The following SPSB4 variants were observed in gnomAD, a reference collection of about 807,000 sequenced individuals.
SPSB4 encodes the protein splA/ryanodine receptor domain and SOCS box containing 4, also known as SPRY domain-containing SOCS box protein 4.
SPSB4 carries 21 observed loss-of-function variants against 20.9 expected under a neutral mutation model. That is an observed-to-expected ratio of 1.01 (90% CI 0.71 to 1.45). SPSB4 has a LOEUF of 1.45. Ranked by LOEUF, SPSB4 falls within the 40% of genes most tolerant of loss-of-function variation. SPSB4 has a pLI of 0.00. For synonymous variants in SPSB4, 207 were observed against 183.8 expected (o/e 1.13, Z -1.02); for missense variants, 399 against 399.2 (o/e 1.00, Z 0.00).
At chr3:141,111,761 A>T (rs1938801169) in intron 2 of SPSB4, among the ~76,000 whole-genome samples, 1 of 152,168 alleles carries the variant, frequency 6.6e-6, no homozygotes, top group South Asian at 2.1e-4. Flanking sequence ...GGAAAAAGAC[A>T]AAGTGCTTTG....
At chr3:141,080,058 T>C (rs1938199172) in intron 2 of SPSB4, among the ~76,000 whole-genome samples, 1 of 152,238 alleles carries the variant, frequency 6.6e-6, no homozygotes, top group Non-Finnish European at 1.5e-5. Context: ...AAAGTAATTC[T>C]TACTACCAGT....
chr3:141,064,658 G>T (rs1937828758), intron 1 of SPSB4, among the ~76,000 whole-genome samples: 1 of 152,174 alleles, frequency 6.6e-6, no homozygotes, highest in Non-Finnish European at 1.5e-5. Flanking sequence ...GGAGGGCAGG[G>T]CATGAAAAAC....
At chr3:141,080,176 A>C (rs977905711) in intron 2 of SPSB4, 1 of 152,232 alleles carries the variant, frequency 6.6e-6, no homozygotes, top group Non-Finnish European at 1.5e-5. Flanking sequence ...TGCATTTTAC[A>C]GACAAGTTAA....
intron 2 of SPSB4, among the ~76,000 whole-genome samples, chr3:141,131,675 G>A (rs1337985647): frequency 2.0e-5 from 3 of 152,100 alleles, no homozygotes; most frequent in Admixed American, 6.6e-5. Flanking sequence ...CTTCATTCTC[G>A]TGGCTGATTA....
intron 2 of SPSB4, among the ~76,000 whole-genome samples, chr3:141,074,125 C>T (rs1236222525): frequency 6.6e-6 from 1 of 152,166 alleles, no homozygotes; most frequent in East Asian, 1.9e-4. Context: ...ACAGCATGGT[C>T]TTGTGGGAAG....
At chr3:141,099,919 A>G (rs72981998) in intron 2 of SPSB4, among the ~76,000 whole-genome samples, 231 of 152,316 alleles carry the variant, frequency 1.5e-3, no homozygotes, top group African/African-American at 5.5e-3. Context: ...CATCAGACAC[A>G]TGCCCTAGTA....
chr3:141,114,958 G>A (rs1019685172), intron 2 of SPSB4, among the ~76,000 whole-genome samples: 1 of 152,144 alleles, frequency 6.6e-6, no homozygotes, highest in Non-Finnish European at 1.5e-5. Context: ...TGTGAGCCCA[G>A]CAGCCCTGCC....
intron 2 of SPSB4, among the ~76,000 whole-genome samples, chr3:141,078,178 CTCAG>C (rs1293448139): frequency 1.3e-5 from 2 of 152,206 alleles, no homozygotes; most frequent in Non-Finnish European, 2.9e-5. Flanking sequence ...CTGCTTATTC[CTCAG>C]CTGTGGAAGA....
At chr3:141,079,186 G>A (rs193198314) in intron 2 of SPSB4, among the ~76,000 whole-genome samples, 6 of 151,950 alleles carry the variant, frequency 3.9e-5, no homozygotes, top group Non-Finnish European at 7.4e-5. Flanking sequence ...GCGTGAACCC[G>A]GCAGGTGGAG....
chr3:141,069,952 A>G (rs1189297961), intron 2 of SPSB4, among the ~76,000 whole-genome samples: 1 of 152,178 alleles, frequency 6.6e-6, no homozygotes, highest in Non-Finnish European at 1.5e-5. Flanking sequence ...ACTACGTTTA[A>G]CTCTGGAAGC....
At chr3:141,107,858 G>T (rs551160441) in intron 2 of SPSB4, among the ~76,000 whole-genome samples, 10 of 152,178 alleles carry the variant, frequency 6.6e-5, no homozygotes, top group African/African-American at 1.9e-4. Context: ...GGGAGGCTGA[G>T]GCACGAACAT....
chr3:141,142,648 C>A (rs1316726466), intron 2 of SPSB4, among the ~76,000 whole-genome samples: 3 of 151,742 alleles, frequency 2.0e-5, no homozygotes, highest in Non-Finnish European at 4.4e-5. Context: ...CATTGAAGTC[C>A]CCCACTATTG....
At chr3:141,132,366 C>T in intron 2 of SPSB4, 1 of 266,452 alleles carries the variant, frequency 3.8e-6, no homozygotes, top group Non-Finnish European at 7.4e-6. Flanking sequence ...CAGGGTTTCA[C>T]CATATTGGCC....
At chr3:141,070,650 AT>A (rs1937985378) in intron 2 of SPSB4, among the ~76,000 whole-genome samples, 1 of 152,176 alleles carries the variant, frequency 6.6e-6, no homozygotes, top group African/African-American at 2.4e-5. Context: ...AAGCACTGGG[AT>A]TACAGGCGTG....
intron 2 of SPSB4, among the ~76,000 whole-genome samples, chr3:141,094,266 A>T (rs557959293): frequency 6.6e-6 from 1 of 152,186 alleles, no homozygotes; most frequent in Non-Finnish European, 1.5e-5. Context: ...TGGTCTGTGT[A>T]CCTCTGGCCT....
chr3:141,142,820 T>A (rs1359182554), intron 2 of SPSB4, among the ~76,000 whole-genome samples: 1 of 119,630 alleles, frequency 8.4e-6, no homozygotes, highest in Non-Finnish European at 1.7e-5. Flanking sequence ...TTTTTTTTTT[T>A]TTTTTTTTTT....
chr3:141,144,250 A>G (rs1939377829), intron 2 of SPSB4, among the ~76,000 whole-genome samples: 1 of 152,228 alleles, frequency 6.6e-6, no homozygotes, highest in Admixed American at 6.5e-5. Flanking sequence ...ATATTATGGT[A>G]TTAATTTCTA....
intron 1 of SPSB4, among the ~76,000 whole-genome samples, chr3:141,053,137 TG>T (rs1334195834): frequency 6.6e-6 from 1 of 151,848 alleles, no homozygotes; most frequent in Non-Finnish European, 1.5e-5. Context: ...CTCTCCTCCT[TG>T]GGGGGTTGGG....
In SPSB4 at chr3:141,121,142, G is replaced by A. The variant is rs58432367; in HGVS notation, c.695-26000G>A. Among the ~76,000 whole-genome samples the A allele has an allele frequency of 8.5e-5, 13 of 152,094 alleles. No individual in the cohort carries two copies. The South Asian group carries it at 2.5e-3, about 29-fold the overall frequency. ...AATCTCTCAGCATTTGCTTGTCTGT[G>A]AAGTATTTTATTTCTCCTTCACTTA... On this transcript the variant is annotated intron_variant, in intron 2 of 2. Coordinates refer to ENST00000310546, the MANE Select transcript of SPSB4 (RefSeq NM_080862.3).
Sources: allele counts gnomAD v4.1 joint callset (sites outside exome capture counted in the v4.1 genomes callset), GRCh38; gene constraint gnomAD v4.1.1; transcripts MANE v1.5; gene names NCBI Gene and HGNC (gene_info 2026-07-23, HGNC 2026-07-21).